The following MARK4 variants were observed in gnomAD, a reference collection of about 807,000 sequenced individuals.
MARK4 encodes microtubule affinity regulating kinase 4.
A neutral mutation model predicts 81.5 loss-of-function variants in MARK4; 19 were observed. That is an observed-to-expected ratio of 0.23 (90% CI 0.16 to 0.34). MARK4 has a LOEUF of 0.34. Ranked by LOEUF, MARK4 falls within the 10% of genes least tolerant of loss-of-function variation. MARK4 has a pLI of 1.00. For missense variants in MARK4, 772 were observed against 1,058.8 expected (o/e 0.73, Z 3.76); for synonymous variants, 436 against 439.0 (o/e 0.99, Z 0.08).
chr19:45,289,441 C>T (rs1190745213), intron 13 of MARK4, among the ~76,000 whole-genome samples: 1 of 139,170 alleles, frequency 7.2e-6, no homozygotes, highest in Non-Finnish European at 1.5e-5. Context: ...ACACAAAATA[C>T]TTATAGTTAT....
Position 45,280,658 on chromosome 19 carries a change from C to A in MARK4, c.1200C>A (p.Ser400Arg). 1.2e-6 allele frequency: 2 copies of A among 1,614,184 alleles called. No homozygotes were observed. The highest frequency in any genetic ancestry group is 1.7e-6 in the Non-Finnish European group (2 of 1,180,026). The change falls in exon 12 of 17, where the codon AGC becomes AGA. Residue 400 changes from serine to arginine, a missense_variant. Physicochemically the swap from Ser to Arg is moderately radical, Grantham distance 110. Around this residue, in one of 3 missense-constraint regions of MARK4, gnomAD observed 548 missense variants for 624.3 expected, o/e 0.88. Coordinates refer to ENST00000262891, the MANE Select transcript of MARK4 (RefSeq NM_001199867.2). Reference sequence around the variant, plus strand: ...ACACCACCAACGGAACAAGTTCCAGCAAAGGCACCAGCCACAGCAAAGGGC... The same window carrying A: ...ACACCACCAACGGAACAAGTTCCAGAAAAGGCACCAGCCACAGCAAAGGGC... ...PSDTTNGTSSSKGTSHSKGQR... is the reference protein window; with the variant it reads ...PSDTTNGTSSRKGTSHSKGQR...
intron 12 of MARK4, 152 bp downstream of exon 12, chr19:45,280,886 C>A: frequency 8.5e-7 from 1 of 1,180,734 alleles, no homozygotes; most frequent in Non-Finnish European, 1.2e-6. Context: ...CAGGGCATTG[C>A]ATGGAACTTG....
intron 8 of MARK4, among the ~76,000 whole-genome samples, chr19:45,273,204 A>G (rs902455627): frequency 2.6e-5 from 4 of 151,816 alleles, no homozygotes; most frequent in African/African-American, 9.7e-5. Flanking sequence ...GCAACAGTAG[A>G]GCAAATAACA....
chr19:45,251,507 CGG>C lies in MARK4; in HGVS notation c.-75_-74del. 1.3e-6 allele frequency: 1 copy of C among 799,418 alleles called. No individual in the cohort carries two copies. Among genetic ancestry groups the C allele is most frequent in the South Asian group, 2.3e-5 (1 of 43,994 alleles). 49.5% of individuals were successfully genotyped at this position (799,418 alleles called of 1,614,324 possible). A position where few individuals can be genotyped will look rare whatever the true frequency, so the allele number is the denominator to read the frequency against. On this transcript the variant is annotated 5_prime_UTR_variant, in exon 1 of 17. Transcript: ENST00000262891. ...TTTTGAGCTCGCGTCCCCAGGCCGGCGGGGGGGGAGGGGAAGAGAGGGGACCC... is the reference window on the plus strand; with the variant it reads ...TTTTGAGCTCGCGTCCCCAGGCCGGCGGGGGGAGGGGAAGAGAGGGGACCC...
At chr19:45,294,859 CAG>C (rs1423335618) in intron 14 of MARK4, among the ~76,000 whole-genome samples, 2 of 152,014 alleles carry the variant, frequency 1.3e-5, no homozygotes, top group African/African-American at 4.8e-5. Flanking sequence ...CTGGCTGGAG[CAG>C]AGAGAGGGAA....
At position 45,280,621 on chromosome 19, in the gene MARK4, G is replaced by C. The variant is rs768263726; in HGVS notation, c.1163G>C (p.Arg388Pro). Reference protein sequence around the residue: ...GAPGLALARVRAPSDTTNGTS... With the variant: ...GAPGLALARVPAPSDTTNGTS... Reference sequence around the variant, plus strand: ...CCAGGGCTGGCCCTGGCACGGGTGCGGGCGCCCAGCGACACCACCAACGGA... The same window carrying C: ...CCAGGGCTGGCCCTGGCACGGGTGCCGGCGCCCAGCGACACCACCAACGGA... The change falls in exon 12 of 17, where the codon CGG (arginine) becomes CCG (proline). Residue 388 changes from arginine to proline, a missense_variant. Transcript: ENST00000262891. 4 of 1,614,052 alleles carry C rather than the reference G, an allele frequency of 2.5e-6. No homozygotes were observed. The highest frequency in any genetic ancestry group is 3.4e-6 in the Non-Finnish European group (4 of 1,179,960).
chr19:45,267,935 A>T (rs1970477001), intron 7 of MARK4, among the ~76,000 whole-genome samples: 1 of 152,102 alleles, frequency 6.6e-6, no homozygotes, highest in Non-Finnish European at 1.5e-5. Context: ...TGCTGGGATT[A>T]CAGGTGGGCA....
intron 6 of MARK4, among the ~76,000 whole-genome samples, chr19:45,265,626 C>T (rs1970442810): frequency 7.1e-6 from 1 of 140,498 alleles, no homozygotes; most frequent in Non-Finnish European, 1.5e-5. Context: ...TGAGGGTGCC[C>T]AGGTGTGGGG....
At position 45,280,844 on chromosome 19, in the gene MARK4, C is replaced by A; in HGVS notation, c.1276+110C>A. On this transcript the variant is annotated intron_variant, in intron 12 of 16. Coordinates refer to ENST00000262891, the MANE Select transcript of MARK4 (RefSeq NM_001199867.2). ...AGCAACAGAAACCCACTGGAGCTAA[C>A]CTCAGAGAGGGAGGAATGTCTTATA... The A allele has an allele frequency of 2.1e-6, 3 of 1,440,534 alleles. No homozygotes were observed. The South Asian group carries it at 3.8e-5, about 18-fold the overall frequency. 89.2% of individuals were successfully genotyped at this position (1,440,534 alleles called of 1,614,324 possible). A position where few individuals can be genotyped will look rare whatever the true frequency, so the allele number is the denominator to read the frequency against.
intron 13 of MARK4, among the ~76,000 whole-genome samples, chr19:45,293,118 A>C (rs2123101310): frequency 6.6e-6 from 1 of 152,242 alleles, no homozygotes; most frequent in African/African-American, 2.4e-5. Flanking sequence ...AAATACAAAA[A>C]ATTAGCTGGA....
rs1259620851 is a variant in MARK4, at chr19:45,302,872, G to A, written c.*162G>A. The A allele has an allele frequency of 9.5e-6, 11 of 1,162,730 alleles. No individual in the cohort carries two copies. The highest frequency in any genetic ancestry group is 3.2e-5 in the South Asian group (2 of 62,424). 72.0% of individuals were successfully genotyped at this position (1,162,730 alleles called of 1,614,324 possible). ...GTCCCCTCTGCTGTTCTCTGGGGCCGCTCAGCACAGAAGAAGGATGAGGGG... is the reference window on the plus strand; with the variant it reads ...GTCCCCTCTGCTGTTCTCTGGGGCCACTCAGCACAGAAGAAGGATGAGGGG... On this transcript the variant is annotated 3_prime_UTR_variant, in exon 17 of 17. Coordinates refer to ENST00000262891, the MANE Select transcript of MARK4 (RefSeq NM_001199867.2). This position sits in a 1 kb window ranked among gnomAD's most constrained non-coding sequence, Gnocchi z 4.9.
chr19:45,263,172 G>A lies in MARK4; in HGVS notation c.306+6G>A, dbSNP rs1226703911. On this transcript the variant is annotated splice_donor_region_variant and intron_variant, in intron 3 of 16. Coordinates refer to ENST00000262891, the MANE Select transcript of MARK4 (RefSeq NM_001199867.2). ...ATCCCAGCAGCCTGCAGAAGGTGAGGCTGGGGAGACGGGGGAGAGCAGGAG... is the reference window on the plus strand; with the variant it reads ...ATCCCAGCAGCCTGCAGAAGGTGAGACTGGGGAGACGGGGGAGAGCAGGAG... 6.2e-7 allele frequency: 1 copy of A among 1,610,088 alleles called. No individual in the cohort carries two copies. The highest frequency in any genetic ancestry group is 8.5e-7 in the Non-Finnish European group (1 of 1,178,140).
chr19:45,270,743 G>T (rs911483946), intron 7 of MARK4, among the ~76,000 whole-genome samples: 4 of 151,982 alleles, frequency 2.6e-5, no homozygotes, highest in African/African-American at 9.7e-5. Context: ...GGGACTACTG[G>T]CGCACACCAC....
Position 45,297,672 on chromosome 19 carries a change from A to C in MARK4, c.1599-4A>C. On this transcript the variant is annotated splice_region_variant and splice_polypyrimidine_tract_variant and intron_variant, in intron 14 of 16. Transcript: ENST00000262891. ...CACCCTGACTTGTCTGTCTCTGCCCACAGCTCAGGCACCCCACGGGTGCCC... is the reference window on the plus strand; with the variant it reads ...CACCCTGACTTGTCTGTCTCTGCCCCCAGCTCAGGCACCCCACGGGTGCCC... 6.6e-7 allele frequency: 1 copy of C among 1,516,262 alleles called. No individual in the cohort carries two copies. The allele number at this position is 1,516,262 out of a possible 1,614,324, so 93.9% of individuals were successfully genotyped here. A position where few individuals can be genotyped will look rare whatever the true frequency, so the allele number is the denominator to read the frequency against.
intron 7 of MARK4, among the ~76,000 whole-genome samples, chr19:45,268,944 G>T (rs750012903): frequency 6.6e-6 from 1 of 152,116 alleles, no homozygotes; most frequent in Non-Finnish European, 1.5e-5. Flanking sequence ...CCTGGAGGTC[G>T]TATGTCCCCT....
At chr19:45,260,290 T>A (rs1003750025) in intron 2 of MARK4, among the ~76,000 whole-genome samples, 2 of 150,100 alleles carry the variant, frequency 1.3e-5, no homozygotes, top group African/African-American at 4.9e-5. Flanking sequence ...CTTGGGAGGC[T>A]GAGGCAGGAG....
chr19:45,298,038 G>A (rs1431868167), intron 15 of MARK4, 84 bp downstream of exon 15: 2 of 1,551,974 alleles, frequency 1.3e-6, no homozygotes, highest in Middle Eastern at 1.7e-4. Flanking sequence ...TCTGTCTCCT[G>A]TACCCCAACA....
Position 45,303,055 on chromosome 19 carries a change from C to T in MARK4, c.*345C>T. The T allele has an allele frequency of 3.2e-6, 1 of 312,408 alleles. No homozygotes were observed. The highest frequency in any genetic ancestry group is 5.9e-6 in the Non-Finnish European group (1 of 168,272). 19.4% of individuals were successfully genotyped at this position (312,408 alleles called of 1,614,324 possible). On this transcript the variant is annotated 3_prime_UTR_variant, in exon 17 of 17. Transcript: ENST00000262891. ...TTCCTCCCAACAGCTCAAAATTAGG[C>T]CTTGGGCAGGGGCAGGGAGAGCTGC...
intron 8 of MARK4, among the ~76,000 whole-genome samples, chr19:45,272,158 G>A (rs7256294): frequency 2.3e-3 from 346 of 151,926 alleles, no homozygotes; most frequent in African/African-American, 8.2e-3. Flanking sequence ...ATAGGGAGAC[G>A]CTGTCTCTAC....
Sources: gnomAD v4.1 joint callset for allele counts (sites outside exome capture counted in the v4.1 genomes callset) on GRCh38, gnomAD v4.1.1 for gene constraint, gnomAD v4.1.1 regional missense constraint, Gnocchi (gnomAD v3.1) non-coding constraint, MANE v1.5 for transcripts, NCBI Gene and HGNC (gene_info 2026-07-23, HGNC 2026-07-21) for gene names.